The following ABLIM1 variants were observed in gnomAD, a reference collection of about 807,000 sequenced individuals.
ABLIM1 encodes actin-binding LIM protein 1.
A neutral mutation model predicts 107.0 loss-of-function variants in ABLIM1; 40 were observed. The ratio of observed to expected loss-of-function variants is 0.37; its 90% CI spans 0.29 to 0.49. The LOEUF is 0.49. Among genes scored for constraint, ABLIM1 ranks in the 20% least tolerant of loss-of-function variants. The pLI, the probability that ABLIM1 is intolerant of heterozygous loss-of-function variation, is 0.97. For missense variants in ABLIM1, 857 were observed against 1,008.5 expected (o/e 0.85, Z 2.04); for synonymous variants, 357 against 357.3 (o/e 1.00, Z 0.01).
rs115337610 is a variant in ABLIM1, at chr10:114,544,893, C to T, written c.894+112G>A. On this transcript the variant is annotated intron_variant, in intron 6 of 22. Transcript: ENST00000533213. ...ATAGTCACCTGCGACTACTTTCTTT[C>T]TCCACAGGTGAAAAAAAGATGGAGG... The T allele has an allele frequency of 8.2e-4, 806 of 977,722 alleles. 1 individual carries two copies. The African/African-American group carries it at 0.011, about 14-fold the overall frequency. 60.6% of individuals were successfully genotyped at this position (977,722 alleles called of 1,614,324 possible).
chr10:114,472,536 A>AT (rs934354159), intron 10 of ABLIM1, among the ~76,000 whole-genome samples: 2 of 151,890 alleles, frequency 1.3e-5, no homozygotes, highest in Non-Finnish European at 2.9e-5. Context: ...GCTCTACTTT[A>AT]TTTTTTCTTT....
At chr10:114,441,539 A>T (rs1394218822) in intron 18 of ABLIM1, among the ~76,000 whole-genome samples, 183 bp downstream of exon 18, 2 of 152,244 alleles carry the variant, frequency 1.3e-5, no homozygotes, top group Non-Finnish European at 2.9e-5. Flanking sequence ...TCTTCTCTCA[A>T]TAGAAACATT....
At chr10:114,443,437 C>T (rs375959887) in intron 17 of ABLIM1, among the ~76,000 whole-genome samples, 3 of 151,422 alleles carry the variant, frequency 2.0e-5, no homozygotes, top group South Asian at 2.1e-4. Context: ...CTCAGCCTCC[C>T]GAGTAGCTGG....
chr10:114,565,976 T>C (rs1414201417), intron 4 of ABLIM1, among the ~76,000 whole-genome samples: 2 of 151,944 alleles, frequency 1.3e-5, no homozygotes, highest in Non-Finnish European at 2.9e-5. Flanking sequence ...TTTGTATTTT[T>C]AGTAGAGATG....
intron 13 of ABLIM1, 40 bp downstream of exon 13, chr10:114,453,339 T>G (rs1386946006): frequency 1.3e-6 from 2 of 1,597,476 alleles, no homozygotes; most frequent in South Asian, 1.1e-5. Flanking sequence ...CATTCTACAC[T>G]GTGACAGGAC....
Position 114,453,551 on chromosome 10 carries a change from T to C in ABLIM1, c.1442-68A>G. On this transcript the variant is annotated intron_variant, in intron 12 of 22. Coordinates refer to ENST00000533213, the MANE Select transcript of ABLIM1 (RefSeq NM_002313.7). ...AGAGAAACAAAGAAAACAAAGCAAG[T>C]GTAATAAAAATTCAAAACAACAGAC... The C allele has an allele frequency of 4.5e-6, 6 of 1,339,168 alleles. No homozygotes were observed. In the South Asian group the frequency reaches 4.8e-5, roughly 11 times the overall value. 83.0% of individuals were successfully genotyped at this position (1,339,168 alleles called of 1,614,324 possible).
At chr10:114,485,970 G>A (rs1231292563) in intron 8 of ABLIM1, among the ~76,000 whole-genome samples, 2 of 152,148 alleles carry the variant, frequency 1.3e-5, no homozygotes, top group Non-Finnish European at 2.9e-5. Context: ...GTACGTGGGA[G>A]CCTCTTCCTC....
chr10:114,690,523 C>T, intron 1 of ABLIM1: 1 of 1,424,286 alleles, frequency 7.0e-7, no homozygotes, highest in Non-Finnish European at 9.9e-7. Flanking sequence ...TCTCCCATGC[C>T]CAGAACACGA....
chr10:114,521,572 C>T (rs182526504), intron 6 of ABLIM1, among the ~76,000 whole-genome samples: 1 of 152,246 alleles, frequency 6.6e-6, no homozygotes, highest in East Asian at 1.9e-4. Context: ...AGGCTACTGT[C>T]TTGGGGAGTC....
intron 1 of ABLIM1, among the ~76,000 whole-genome samples, chr10:114,754,742 A>G (rs1031977478): frequency 6.6e-6 from 1 of 152,208 alleles, no homozygotes; most frequent in African/African-American, 2.4e-5. Context: ...CCCTTCTCTT[A>G]GTGTTTATCA....
intron 4 of ABLIM1, among the ~76,000 whole-genome samples, chr10:114,565,939 C>T (rs558004772): frequency 4.9e-4 from 74 of 151,762 alleles, no homozygotes; most frequent in South Asian, 2.3e-3. Context: ...GGACTATAGG[C>T]GCCCGCCACC....
At chr10:114,754,902 A>T (rs2082595711) in intron 1 of ABLIM1, among the ~76,000 whole-genome samples, 1 of 152,142 alleles carries the variant, frequency 6.6e-6, no homozygotes, top group Non-Finnish European at 1.5e-5. Flanking sequence ...CACTCACTGC[A>T]TCCCCTTTTT....
Position 114,436,251 on chromosome 10 carries a change from G to A in ABLIM1, c.*9C>T, listed in dbSNP as rs556239056. On this transcript the variant is annotated 3_prime_UTR_variant, in exon 23 of 23. Coordinates refer to ENST00000533213, the MANE Select transcript of ABLIM1 (RefSeq NM_002313.7). ...AGTCCTTTCTCTAATTGCCATTCAC[G>A]AGTGGGACTTAGAAGAGTTTTGCTT... 4.5e-5 allele frequency: 72 copies of A among 1,604,266 alleles called. 2 individuals carry two copies. In the Middle Eastern group the frequency reaches 6.6e-4, roughly 15 times the overall value.
intron 2 of ABLIM1, among the ~76,000 whole-genome samples, chr10:114,580,643 C>G (rs1042796968): frequency 6.6e-5 from 10 of 152,180 alleles, no homozygotes; most frequent in African/African-American, 2.4e-4. Context: ...GAAAATTATA[C>G]TCTGACAAAG....
chr10:114,540,774 G>A (rs1014409046), intron 6 of ABLIM1, among the ~76,000 whole-genome samples: 16 of 152,290 alleles, frequency 1.1e-4, no homozygotes, highest in African/African-American at 3.9e-4. Context: ...CTCAGTGAGT[G>A]TTAAATTAAA....
rs1210603705 is a variant in ABLIM1, at chr10:114,441,743, A to G, written c.1977T>C (p.Tyr659=). The change falls in exon 18 of 23, where the codon TAT becomes TAC. Residue 659 remains tyrosine (Y), a synonymous_variant. Transcript: ENST00000533213. ...TTACCCGGTGAAGCCCATTTCTTCC[A>G]TAGCCAGGGAGAGATGCAGTTTTAG... is the stretch of plus-strand genomic sequence containing the variant. The part of the protein sequence containing the change: ...PSSKTASLPG[Y]GRNGLHRPVS... 2 of 1,614,138 alleles carry G rather than the reference A, an allele frequency of 1.2e-6. No homozygotes were observed. Among genetic ancestry groups the G allele is most frequent in the Non-Finnish European group, 1.7e-6 (2 of 1,179,966 alleles).
chr10:114,617,172 G>T (rs941352289), intron 1 of ABLIM1, among the ~76,000 whole-genome samples: 1 of 151,862 alleles, frequency 6.6e-6, no homozygotes. Flanking sequence ...AGTGAAGGGC[G>T]TTCAGCCTCT....
intron 6 of ABLIM1, among the ~76,000 whole-genome samples, chr10:114,496,998 A>AGGAAG: frequency 6.6e-6 from 1 of 152,366 alleles, no homozygotes. Flanking sequence ...CTGAACACAG[A>AGGAAG]CGGCAGTGCA....
intron 1 of ABLIM1, among the ~76,000 whole-genome samples, chr10:114,623,455 T>G (rs2077593991): frequency 6.6e-6 from 1 of 152,234 alleles, no homozygotes; most frequent in South Asian, 2.1e-4. Context: ...GACAGTGATG[T>G]TCTTTACCTT....
Sources: gnomAD v4.1 joint callset for allele counts (sites outside exome capture counted in the v4.1 genomes callset) on GRCh38, gnomAD v4.1.1 for gene constraint, MANE v1.5 for transcripts, NCBI Gene and HGNC (gene_info 2026-07-23, HGNC 2026-07-21) for gene names.